The following OGG1 variants were observed in gnomAD, a reference collection of about 807,000 sequenced individuals.
OGG1 encodes the protein 8-oxoguanine DNA glycosylase.
Under a neutral mutation model 42.3 loss-of-function variants are expected in OGG1, and 35 were observed. The observed-to-expected ratio is 0.83, with a 90% CI of 0.63 to 1.10. The LOEUF (loss-of-function observed/expected upper bound fraction) is 1.10. Among genes scored for constraint, OGG1 ranks in the 50% least tolerant of loss-of-function variants. OGG1 has a pLI of 0.00. For synonymous variants in OGG1, 189 were observed against 179.0 expected, an observed-to-expected ratio of 1.06 and a Z score of -0.44; for missense variants, 484 against 446.7, an observed-to-expected ratio of 1.08 and a Z score of -0.75.
downstream of OGG1, among the ~76,000 whole-genome samples, chr3:9,790,472 A>G (rs1353097493): frequency 2.6e-5 from 4 of 152,160 alleles, no homozygotes; most frequent in East Asian, 3.8e-4. Flanking sequence ...CGTGCACCCA[A>G]TCGTGTTGTT....
chr3:9,771,370 G>C (rs910243708), downstream of OGG1, among the ~76,000 whole-genome samples: 18 of 152,132 alleles, frequency 1.2e-4, no homozygotes, highest in African/African-American at 3.9e-4. Context: ...GATAGCTGAG[G>C]TTCCTGGAAA....
Position 9,779,610 on chromosome 3 carries a change from C to T in OGG1, c.295-1903C>T, listed in dbSNP as rs535860131. Among the ~76,000 whole-genome samples the T allele has an allele frequency of 2.6e-5, 4 of 152,102 alleles. No homozygotes were observed. The South Asian group carries it at 8.3e-4, about 32-fold the overall frequency. The stretch of plus-strand genomic sequence containing the variant: ...ACATGGCACATGTATACATATGTAA[C>T]AAACCTGCACGTTGTACACATGTAC... On this transcript the variant is annotated intron_variant, in intron 2 of 3. Coordinates refer to the OGG1 transcript ENST00000426518.
intron 3 of OGG1, chr3:9,787,404 C>T: frequency 4.6e-6 from 7 of 1,536,886 alleles, no homozygotes; most frequent in East Asian, 4.5e-5. Flanking sequence ...TTCATTCATT[C>T]ATTCACTTAC....
At position 9,749,982 on chromosome 3, in the gene OGG1, CAGA is replaced by C. The variant is rs3218998; in HGVS notation, c.-300_-298del. The C allele has an allele frequency of 2.6e-3, 1,123 of 432,572 alleles. 16 individuals carry two copies. The highest frequency in any genetic ancestry group is 0.02 in the African/African-American group (1,015 of 51,024). The allele number at this position is 432,572 out of a possible 1,614,324, so 26.8% of individuals were successfully genotyped here. A position where few individuals can be genotyped will look rare whatever the true frequency, so the allele number is the denominator to read the frequency against. On this transcript the variant is annotated 5_prime_UTR_variant, in exon 1 of 7. Coordinates refer to ENST00000344629, the MANE Select transcript of OGG1 (RefSeq NM_002542.6). The stretch of plus-strand genomic sequence containing the variant: ...TGCTGTGGTCTGCCCCTGGAGAACC[CAGA>C]AGAACACAGCTGTGCGCGCCCACAG...
Position 9,765,673 on chromosome 3 carries a change from A to G in OGG1, c.1049-136A>G, listed in dbSNP as rs1237319717. ...GCAATTTAAGGCTTAGAGAGTTTAA[A>G]TGATTTGTCCAAAGCAGGAAAGGAG... On this transcript the variant is annotated intron_variant, in intron 7 of 7. Coordinates refer to the OGG1 transcript ENST00000302008. The G allele has an allele frequency of 4.1e-6, 6 of 1,474,706 alleles. No individual in the cohort carries two copies. The East Asian group carries it at 6.8e-5, about 17-fold the overall frequency. 91.4% of individuals were successfully genotyped at this position (1,474,706 alleles called of 1,614,324 possible).
chr3:9,787,667 G>A, intron 3 of OGG1: 1 of 1,373,010 alleles, frequency 7.3e-7, no homozygotes, highest in South Asian at 1.2e-5. Flanking sequence ...GGTCACGGGT[G>A]ACAGGGAATT....
rs2077268564 is a variant in OGG1 at position 9,750,863 on chromosome 3, G to A, written c.138-82G>A. 1.1e-5 allele frequency: 16 copies of A among 1,508,766 alleles called. 1 individual carries two copies. Among genetic ancestry groups the A allele is most frequent in the South Asian group, 6.8e-5 (6 of 87,866 alleles). The allele number at this position is 1,508,766 out of a possible 1,614,324, so 93.5% of individuals were successfully genotyped here. A position where few individuals can be genotyped will look rare whatever the true frequency, so the allele number is the denominator to read the frequency against. On this transcript the variant is annotated intron_variant, in intron 1 of 6. Coordinates refer to ENST00000344629, the MANE Select transcript of OGG1 (RefSeq NM_002542.6). ...GTTACTTGTATTAGTTTCGTACATG[G>A]AGCTATTGTAGGATAGGAGGGACCC... is the stretch of plus-strand genomic sequence containing the variant.
chr3:9,776,258 T>A (rs1476260381), intron 2 of OGG1, among the ~76,000 whole-genome samples: 1 of 152,196 alleles, frequency 6.6e-6, no homozygotes, highest in Non-Finnish European at 1.5e-5. Context: ...TGGAATGTTA[T>A]CTTCTGCCCA....
chr3:9,781,113 G>A (rs1433485417), intron 2 of OGG1, among the ~76,000 whole-genome samples: 1 of 151,876 alleles, frequency 6.6e-6, no homozygotes, highest in Non-Finnish European at 1.5e-5. Context: ...CTGGGCAACA[G>A]AGCGTGACTG....
chr3:9,772,755 T>C (rs1301447545), intron 2 of OGG1, among the ~76,000 whole-genome samples: 1 of 152,038 alleles, frequency 6.6e-6, no homozygotes, highest in Admixed American at 6.6e-5. Flanking sequence ...TGGGCAGCCA[T>C]AAGGAATGGA....
chr3:9,751,250 A>T, intron 2 of OGG1, 58 bp downstream of exon 2: 1 of 1,584,594 alleles, frequency 6.3e-7, no homozygotes, highest in South Asian at 1.1e-5. Flanking sequence ...CTTCTCTATG[A>T]CTCAGTTTTG....
chr3:9,780,503 G>C lies in OGG1; in HGVS notation c.295-1010G>C, dbSNP rs552406219. On this transcript the variant is annotated intron_variant, in intron 2 of 3. Transcript: ENST00000426518. ...TCCATGACCTCGTTGTCAGCCATGC[G>C]CACCCGCTGCCTCAGCTCCTGCCGG... is the stretch of plus-strand genomic sequence containing the variant. 2.5e-6 allele frequency: 4 copies of C among 1,608,100 alleles called. No homozygotes were observed. In the African/African-American group the frequency reaches 5.3e-5, roughly 21 times the overall value.
intron 2 of OGG1, among the ~76,000 whole-genome samples, chr3:9,774,573 A>G (rs1359146496): frequency 1.3e-5 from 2 of 152,378 alleles, no homozygotes; most frequent in Admixed American, 6.5e-5. Context: ...TATTTATTAT[A>G]TAAACAGCAC....
chr3:9,763,939 T>A (rs2078014675), intron 7 of OGG1, among the ~76,000 whole-genome samples: 1 of 151,898 alleles, frequency 6.6e-6, no homozygotes, highest in Non-Finnish European at 1.5e-5. Flanking sequence ...TGAGTCGAGA[T>A]CATGCCATTA....
chr3:9,751,792 C>G lies in OGG1; in HGVS notation c.408C>G (p.Asp136Glu), dbSNP rs2077312441. The part of the protein sequence containing the change: ...KFQGVRLLRQ[D>E]PIECLFSFIC... ...CAGGTGTGCGACTGCTGCGACAAGACCCCATCGAATGCCTTTTCTCTTTTA... is the reference window on the plus strand; with the variant it reads ...CAGGTGTGCGACTGCTGCGACAAGAGCCCATCGAATGCCTTTTCTCTTTTA... Residue 136 changes from aspartate to glutamate, a missense_variant, in exon 3 of 7, where the codon GAC becomes GAG. By Grantham distance (45) the Asp-to-Glu change is conservative. Transcript: ENST00000344629. The G allele has an allele frequency of 6.2e-7, 1 of 1,614,204 alleles. No homozygotes were observed.
chr3:9,786,111 T>C (rs1350176316), intron 3 of OGG1, among the ~76,000 whole-genome samples: 1 of 152,170 alleles, frequency 6.6e-6, no homozygotes, highest in African/African-American at 2.4e-5. Flanking sequence ...GCTAATTTTT[T>C]TGTATTTTTA....
rs148290004 is a variant in OGG1, at chr3:9,762,716, G to T, written c.1049-3093G>T. The stretch of plus-strand genomic sequence containing the variant: ...AGACAAAATGTTGTTTGGATAAAAT[G>T]CCACACAATTCACTCGTGTTCCTTT... On this transcript the variant is annotated intron_variant, in intron 7 of 7. Coordinates refer to the OGG1 transcript ENST00000302008. 5.1e-4 allele frequency among the ~76,000 whole-genome samples: 77 copies of T among 152,084 alleles called. No individual in the cohort carries two copies. The East Asian group carries it at 0.014, about 27-fold the overall frequency.
intron 3 of OGG1, 114 bp downstream of exon 3, chr3:9,752,063 A>G (rs2077328172): frequency 1.0e-6 from 1 of 972,756 alleles, no homozygotes; most frequent in African/African-American, 1.6e-5. Flanking sequence ...TCCCCTATCC[A>G]GAACCGCCCT....
chr3:9,761,401 G>A, downstream of OGG1: 1 of 1,540,780 alleles, frequency 6.5e-7, no homozygotes, highest in Non-Finnish European at 8.8e-7. Flanking sequence ...AAGGAAGAGA[G>A]GAAAGTAGGC....
Sources: allele counts gnomAD v4.1 joint callset (sites outside exome capture counted in the v4.1 genomes callset), GRCh38; gene constraint gnomAD v4.1.1; transcripts MANE v1.5; gene names NCBI Gene and HGNC (gene_info 2026-07-23, HGNC 2026-07-21).